STRBP: variants seen among roughly 807,000 people sequenced by gnomAD.
STRBP encodes the protein spermatid perinuclear RNA binding protein.
In STRBP, 13 loss-of-function variants were observed where a neutral mutation model predicts 80.1. That is an observed-to-expected ratio of 0.16 (90% confidence interval 0.11 to 0.26). The LOEUF (loss-of-function observed/expected upper bound fraction) is 0.26. STRBP is among the 10% of genes least tolerant of loss of function. The pLI, the probability that STRBP is intolerant of heterozygous loss-of-function variation, is 1.00. For missense variants in STRBP, 485 were observed against 815.2 expected (o/e 0.59, Z 4.93); for synonymous variants, 284 against 291.2 (o/e 0.98, Z 0.25).
intron 2 of STRBP, among the ~76,000 whole-genome samples, chr9:123,224,490 AG>A (rs1388998439): frequency 6.6e-6 from 1 of 152,194 alleles, no homozygotes; most frequent in Non-Finnish European, 1.5e-5. Context: ...AAAAATGCCA[AG>A]ATAATTCCCA....
Position 123,115,851 on chromosome 9 carries a change from T to A in STRBP, c.*84+78A>T, listed in dbSNP as rs554076187. 2.8e-6 allele frequency: 1 copy of A among 360,376 alleles called. No individual in the cohort carries two copies. Among genetic ancestry groups the A allele is most frequent in the African/African-American group, 2.1e-5 (1 of 46,978 alleles). 22.3% of individuals were successfully genotyped at this position (360,376 alleles called of 1,614,324 possible). A position where few individuals can be genotyped will look rare whatever the true frequency, so the allele number is the denominator to read the frequency against. On this transcript the variant is annotated intron_variant and NMD_transcript_variant, in intron 3 of 3. Coordinates refer to the STRBP transcript ENST00000471564. This position sits in a 1 kb window ranked among gnomAD's most constrained non-coding sequence, Gnocchi z 5.0. ...GCGGGAGGTGTATTTTAGCTCAAATTGCCCCACTGGCTTCCCATAATTGTC... is the reference window on the plus strand; with the variant it reads ...GCGGGAGGTGTATTTTAGCTCAAATAGCCCCACTGGCTTCCCATAATTGTC...
chr9:123,146,102 G>A (rs746138610), intron 13 of STRBP, among the ~76,000 whole-genome samples: 35 of 151,718 alleles, frequency 2.3e-4, no homozygotes, highest in Non-Finnish European at 4.3e-4. Context: ...CAATTATATC[G>A]TATGCCATAC....
At chr9:123,158,166 T>A (rs764854631) in intron 10 of STRBP, 43 bp from the exon 11 acceptor site, 1 of 1,549,434 alleles carries the variant, frequency 6.5e-7, no homozygotes. Context: ...TCAATAGCCA[T>A]TCATAAAGCC....
intron 13 of STRBP, among the ~76,000 whole-genome samples, chr9:123,142,956 G>A (rs1276397823): frequency 6.6e-6 from 1 of 152,210 alleles, no homozygotes; most frequent in Admixed American, 6.5e-5. Flanking sequence ...AATCATCTGT[G>A]TGTAACCAAA....
At chr9:123,200,734 ATTTTTTTTTTTT>A (rs71390418) in intron 2 of STRBP, among the ~76,000 whole-genome samples, 13 of 37,512 alleles carry the variant, frequency 3.5e-4, no homozygotes, top group South Asian at 4.9e-3. Flanking sequence ...CACCCCGCTA[ATTTTTTTTTTTT>A]TTTTTTTTTT....
rs546643740 is a variant in STRBP, at chr9:123,158,323, A to T, written c.933+9T>A. ...CTAATAAGTCAGAGTGGCATGCTCA[A>T]TCTTCTACCTGTGCACTGTGGGTAA... On this transcript the variant is annotated intron_variant, in intron 10 of 18. Coordinates refer to ENST00000348403, the MANE Select transcript of STRBP (RefSeq NM_018387.5). 1.2e-6 allele frequency: 2 copies of T among 1,612,112 alleles called. 1 individual carries two copies. The highest frequency in any genetic ancestry group is 2.7e-5 in the African/African-American group (2 of 74,996).
intron 1 of STRBP, among the ~76,000 whole-genome samples, chr9:123,265,067 G>A (rs6478602): frequency 0.11 from 16,037 of 152,010 alleles, 2,768 homozygotes; most frequent in African/African-American, 0.36. Flanking sequence ...AGTTTCAATC[G>A]AAGGGACATT....
In STRBP at chr9:123,158,061, T is replaced by C. The variant is rs781615139; in HGVS notation, c.996A>G (p.Pro332=). The change falls in exon 11 of 19, where the codon CCA becomes CCG. Residue 332 remains proline (P), a synonymous_variant. Coordinates refer to ENST00000348403, the MANE Select transcript of STRBP (RefSeq NM_018387.5). ...IYKVLEMDPL[P]SSKPFQKYSW... is the part of the protein sequence containing the mutation. ...AATACTTCTGAAAAGGCTTACTAGA[T>C]GGAAGGGGGTCCATCTCCAGCACTT... The C allele has an allele frequency of 8.7e-6, 14 of 1,609,320 alleles. No homozygotes were observed. Among genetic ancestry groups the C allele is most frequent in the African/African-American group, 2.7e-5 (2 of 73,414 alleles).
rs2035860088 is a variant in STRBP, at chr9:123,125,546, TTC to T, written c.*49_*50del. 3.3e-6 allele frequency: 5 copies of T among 1,497,582 alleles called. No individual in the cohort carries two copies. The highest frequency in any genetic ancestry group is 4.5e-6 in the Non-Finnish European group (5 of 1,122,030). 92.8% of individuals were successfully genotyped at this position (1,497,582 alleles called of 1,614,324 possible). On this transcript the variant is annotated 3_prime_UTR_variant, in exon 19 of 19. Transcript: ENST00000348403. ...GGATAAAAAGGCTTTTTCTCTAACA[TTC>T]TGTGTTGTACTGTATTGTTGTTCAA...
intron 4 of STRBP, 76 bp downstream of exon 4, chr9:123,178,931 A>C: frequency 7.1e-7 from 1 of 1,412,036 alleles, no homozygotes; most frequent in Non-Finnish European, 9.9e-7. Flanking sequence ...ACAGCATAAC[A>C]CACACTCAAT....
intron 4 of STRBP, among the ~76,000 whole-genome samples, chr9:123,175,623 G>A (rs1423412121): frequency 1.3e-5 from 2 of 152,172 alleles, no homozygotes; most frequent in African/African-American, 4.8e-5. Context: ...TAGAGAATCA[G>A]TCATCTTTGA....
intron 2 of STRBP, among the ~76,000 whole-genome samples, chr9:123,219,296 C>T (rs766566654): frequency 1.1e-4 from 17 of 152,142 alleles, no homozygotes; most frequent in Non-Finnish European, 2.4e-4. Context: ...CACGTAACTT[C>T]CCCCGACCCA....
intron 4 of STRBP, 125 bp from the exon 5 acceptor site, chr9:123,173,967 T>C (rs2132436583): frequency 9.5e-7 from 1 of 1,051,346 alleles, no homozygotes; most frequent in Non-Finnish European, 1.3e-6. Context: ...GACATCCAAG[T>C]ATCCACAAAA....
At chr9:123,204,308 G>GT (rs781384274) in intron 2 of STRBP, among the ~76,000 whole-genome samples, 3 of 152,226 alleles carry the variant, frequency 2.0e-5, no homozygotes, top group Non-Finnish European at 2.9e-5. Flanking sequence ...ACACAGTGAA[G>GT]TAACTGCAGA....
Position 123,122,661 on chromosome 9 carries a change from G to T in STRBP, c.*2936C>A. The stretch of plus-strand genomic sequence containing the variant: ...AGATGGGGTACTCCTGCAGCCTGAA[G>T]AAACACAAGCTGCAAGCCACATCCC... On this transcript the variant is annotated 3_prime_UTR_variant, in exon 19 of 19. Coordinates refer to ENST00000348403, the MANE Select transcript of STRBP (RefSeq NM_018387.5). 2 of 1,018,230 alleles carry T rather than the reference G, an allele frequency of 2.0e-6. No homozygotes were observed. The highest frequency in any genetic ancestry group is 2.3e-6 in the Non-Finnish European group (2 of 851,226). The allele number at this position is 1,018,230 out of a possible 1,614,324, so 63.1% of individuals were successfully genotyped here. A position where few individuals can be genotyped will look rare whatever the true frequency, so the allele number is the denominator to read the frequency against.
intron 2 of STRBP, among the ~76,000 whole-genome samples, chr9:123,224,259 C>G (rs1564316325): frequency 6.6e-6 from 1 of 152,170 alleles, no homozygotes; most frequent in Non-Finnish European, 1.5e-5. Flanking sequence ...GGGCCCAAAT[C>G]TTTTTTGTAA....
At chr9:123,196,037 G>A (rs2132496041) in intron 2 of STRBP, among the ~76,000 whole-genome samples, 1 of 152,126 alleles carries the variant, frequency 6.6e-6, no homozygotes, top group Middle Eastern at 3.4e-3. Context: ...AAAGACCAAT[G>A]GAACATAATA....
intron 2 of STRBP, among the ~76,000 whole-genome samples, chr9:123,197,199 A>C (rs1277191380): frequency 1.3e-5 from 2 of 152,210 alleles, no homozygotes; most frequent in Admixed American, 1.3e-4. Flanking sequence ...AAACAATTAA[A>C]CTCAAAGAAA....
At chr9:123,116,417 G>A (rs2035645811) in intron 2 of STRBP, among the ~76,000 whole-genome samples, 1 of 152,082 alleles carries the variant, frequency 6.6e-6, no homozygotes, top group Non-Finnish European at 1.5e-5. Context: ...ATAAAATGAT[G>A]GTCTGTAGAA....
Sources: gnomAD v4.1 joint callset for allele counts (sites outside exome capture counted in the v4.1 genomes callset) on GRCh38, gnomAD v4.1.1 for gene constraint, Gnocchi (gnomAD v3.1) non-coding constraint, MANE v1.5 for transcripts, NCBI Gene and HGNC (gene_info 2026-07-23, HGNC 2026-07-21) for gene names.